Variants in GSPT1 observed in about 807,000 individuals in gnomAD.
The protein encoded by GSPT1 is eukaryotic peptide chain release factor GTP-binding subunit ERF3A.
A neutral mutation model predicts 72.5 loss-of-function variants in GSPT1; 20 were observed. The observed-to-expected ratio is 0.28, with a 90% CI of 0.19 to 0.40. The LOEUF (loss-of-function observed/expected upper bound fraction) is 0.40. Ranked by LOEUF, GSPT1 falls within the 10% of genes least tolerant of loss-of-function variation. The probability of loss-of-function intolerance (pLI) is 1.00; values close to 1 mark genes in which losing one functional copy is unlikely to be tolerated. For synonymous variants in GSPT1, 334 were observed against 293.5 expected, an observed-to-expected ratio of 1.14 and a Z score of -1.41; for missense variants, 580 against 811.9, an observed-to-expected ratio of 0.71 and a Z score of 3.47.
intron 5 of GSPT1, among the ~76,000 whole-genome samples, chr16:11,892,539 T>TA (rs897877564): frequency 1.2e-5 from 1 of 83,382 alleles, no homozygotes; most frequent in Non-Finnish European, 2.5e-5. Flanking sequence ...AAACAAAAAA[T>TA]AAAAAATGGC....
At chr16:11,888,870 G>A (rs1283785894) in intron 6 of GSPT1, among the ~76,000 whole-genome samples, 2 of 152,206 alleles carry the variant, frequency 1.3e-5, no homozygotes, top group African/African-American at 4.8e-5. Flanking sequence ...TTTATGGCAA[G>A]TTGACTACAC....
At chr16:11,907,114 A>G (rs2054499884) in intron 1 of GSPT1, among the ~76,000 whole-genome samples, 1 of 152,264 alleles carries the variant, frequency 6.6e-6, no homozygotes, top group Non-Finnish European at 1.5e-5. Flanking sequence ...TGTAAAAAGA[A>G]GTAATTTCAA....
Position 11,870,377 on chromosome 16 carries a change from A to G in GSPT1, c.*2742T>C, listed in dbSNP as rs536428293. The G allele has an allele frequency of 2.0e-5, 3 of 152,364 alleles. No homozygotes were observed. The highest frequency in any genetic ancestry group is 7.2e-5 in the African/African-American group (3 of 41,592). 9.4% of individuals were successfully genotyped at this position (152,364 alleles called of 1,614,324 possible). ...CTTTATTAATTTAAAAAACTAAATA[A>G]TCGCATGAAAGTTATATAAAGAACA... On this transcript the variant is annotated 3_prime_UTR_variant, in exon 15 of 15. Transcript: ENST00000434724.
At chr16:11,896,975 T>C (rs1228263974) in intron 3 of GSPT1, among the ~76,000 whole-genome samples, 190 bp from the exon 4 acceptor site, 1 of 152,202 alleles carries the variant, frequency 6.6e-6, no homozygotes, top group Non-Finnish European at 1.5e-5. Flanking sequence ...GACTCACTGC[T>C]GGTATCACAT....
intron 1 of GSPT1, among the ~76,000 whole-genome samples, chr16:11,905,190 G>GT (rs1407831303): frequency 6.6e-6 from 1 of 152,190 alleles, no homozygotes; most frequent in Non-Finnish European, 1.5e-5. Context: ...TTGCATGAAA[G>GT]TAAGAAATAT....
intron 8 of GSPT1, 47 bp from the exon 9 acceptor site, chr16:11,886,658 A>G (rs1249124028): frequency 6.4e-7 from 1 of 1,565,322 alleles, no homozygotes; most frequent in Non-Finnish European, 8.8e-7. Context: ...ATGTAAACCA[A>G]GAACTCTAGT....
chr16:11,891,155 G>GAAAA lies in GSPT1; in HGVS notation c.699-20_699-17dup. The GAAAA allele has an allele frequency of 9.1e-7, 1 of 1,100,398 alleles. No homozygotes were observed. The highest frequency in any genetic ancestry group is 1.2e-6 in the Non-Finnish European group (1 of 823,268). 68.2% of individuals were successfully genotyped at this position (1,100,398 alleles called of 1,614,324 possible). On this transcript the variant is annotated splice_polypyrimidine_tract_variant and intron_variant, in intron 5 of 14. Coordinates refer to ENST00000434724, the MANE Select transcript of GSPT1 (RefSeq NM_002094.4). The stretch of plus-strand genomic sequence containing the variant: ...AGTCAAATACCTGAAAACATTTAAA[G>GAAAA]AAAAAAAAAAGTAAACAATTACTCA...
At chr16:11,879,738 C>CAAAAAAAAAAAAAAAAAAA (rs1195456490) in intron 11 of GSPT1, among the ~76,000 whole-genome samples, 2 of 84,322 alleles carry the variant, frequency 2.4e-5, no homozygotes, top group Non-Finnish European at 5.1e-5. Flanking sequence ...GACTCCGTCT[C>CAAAAAAAAAAAAAAAAAAA]AAAAAAAAAA....
intron 4 of GSPT1, chr16:11,895,228 C>T (rs1477463892): frequency 9.6e-6 from 3 of 314,060 alleles, no homozygotes; most frequent in Non-Finnish European, 1.2e-5. Flanking sequence ...GTCAGGAGTT[C>T]GAGACCAGCC....
intron 1 of GSPT1, among the ~76,000 whole-genome samples, chr16:11,911,584 T>C (rs1490541427): frequency 7.1e-6 from 1 of 140,528 alleles, no homozygotes; most frequent in African/African-American, 2.7e-5. Context: ...AGACAGAGTG[T>C]CAATGTCGCC....
upstream of GSPT1, among the ~76,000 whole-genome samples, chr16:11,916,253 CG>C (rs1029234255): frequency 7.9e-5 from 12 of 152,318 alleles, no homozygotes; most frequent in Middle Eastern, 3.4e-3. Context: ...GGTGGCCGCT[CG>C]GCGGCCCCAC....
At chr16:11,902,150 A>G (rs2150882647) in intron 1 of GSPT1, among the ~76,000 whole-genome samples, 1 of 151,718 alleles carries the variant, frequency 6.6e-6, no homozygotes, top group East Asian at 1.9e-4. Flanking sequence ...TGGGAGGCCG[A>G]GGCGGGTGGA....
intron 7 of GSPT1, 82 bp downstream of exon 7, chr16:11,887,488 C>A: frequency 8.7e-7 from 1 of 1,153,034 alleles, no homozygotes; most frequent in Non-Finnish European, 1.3e-6. Context: ...TGAATTTGAG[C>A]TTTTAGAAGA....
At chr16:11,916,529 C>A (rs1022338234), upstream of GSPT1, among the ~76,000 whole-genome samples, 2 of 152,224 alleles carry the variant, frequency 1.3e-5, no homozygotes, top group Non-Finnish European at 2.9e-5. Context: ...TTTCTCCTCA[C>A]CCCCAGCCAG....
chr16:11,903,468 T>C (rs972794397), intron 1 of GSPT1, among the ~76,000 whole-genome samples: 9 of 152,068 alleles, frequency 5.9e-5, no homozygotes, highest in South Asian at 2.1e-4. Flanking sequence ...TGAGCCGAGA[T>C]TGCACCACTG....
At chr16:11,900,495 G>A (rs568608128) in intron 1 of GSPT1, among the ~76,000 whole-genome samples, 1 of 151,942 alleles carries the variant, frequency 6.6e-6, no homozygotes, top group Non-Finnish European at 1.5e-5. Context: ...CCTAAGTGCC[G>A]ACTGCTAGCT....
At chr16:11,894,105 A>T (rs1333862837) in intron 5 of GSPT1, among the ~76,000 whole-genome samples, 2 of 136,714 alleles carry the variant, frequency 1.5e-5, no homozygotes, top group Admixed American at 8.0e-5. Flanking sequence ...GCAGTGAGCC[A>T]AAATCATGCC....
At chr16:11,904,448 C>T (rs1179723630) in intron 1 of GSPT1, among the ~76,000 whole-genome samples, 4 of 152,104 alleles carry the variant, frequency 2.6e-5, no homozygotes, top group South Asian at 2.1e-4. Flanking sequence ...GTGATCCGCC[C>T]GCCTTGGCCT....
chr16:11,891,368 A>ATAT (rs1567442622), intron 5 of GSPT1, among the ~76,000 whole-genome samples: 1 of 144,292 alleles, frequency 6.9e-6, no homozygotes, highest in African/African-American at 2.6e-5. Context: ...ATATATATAT[A>ATAT]TTTTTTTTTT....
Sources: allele counts gnomAD v4.1 joint callset (sites outside exome capture counted in the v4.1 genomes callset), GRCh38; gene constraint gnomAD v4.1.1; transcripts MANE v1.5; gene names NCBI Gene and HGNC (gene_info 2026-07-23, HGNC 2026-07-21).